WLS: variants seen among roughly 807,000 people sequenced by gnomAD.
The protein encoded by WLS is protein wntless homolog.
WLS carries 23 observed loss-of-function variants against 62.8 expected under a neutral mutation model. The observed-to-expected ratio is 0.37, with a 90% CI of 0.26 to 0.52. The LOEUF (loss-of-function observed/expected upper bound fraction) is 0.52, where lower values mean the gene tolerates loss of function less well. Ranked by LOEUF, WLS falls within the 20% of genes least tolerant of loss-of-function variation. WLS has a pLI of 0.92. For missense variants in WLS, 615 were observed against 697.3 expected (o/e 0.88, Z 1.33); for synonymous variants, 246 against 244.1 (o/e 1.01, Z -0.07).
At chr1:68,127,102 G>T in intron 11 of WLS, 1 of 405,966 alleles carries the variant, frequency 2.5e-6, no homozygotes, top group Non-Finnish European at 4.9e-6. Flanking sequence ...GGCTGAGGCA[G>T]GAGGATCACT....
intron 2 of WLS, among the ~76,000 whole-genome samples, chr1:68,176,931 T>C (rs1315498517): frequency 6.6e-6 from 1 of 152,250 alleles, no homozygotes; most frequent in Non-Finnish European, 1.5e-5. Context: ...CTAATGCCTT[T>C]GCTGAGTTAC....
chr1:68,202,865 T>C (rs1480409993), intron 1 of WLS: 2 of 152,158 alleles, frequency 1.3e-5, no homozygotes, highest in Admixed American at 1.3e-4. Context: ...CTGGCAAAGC[T>C]GTAGGGGTGG....
At chr1:68,188,593 T>C (rs1430741) in intron 2 of WLS, among the ~76,000 whole-genome samples, 10,403 of 152,168 alleles carry the variant, frequency 0.068, 410 homozygotes, top group Admixed American at 0.097. Context: ...GGAGATAATA[T>C]AGAAAATACC....
chr1:68,101,944 A>G (rs911143814), intron 11 of WLS, among the ~76,000 whole-genome samples: 1 of 152,198 alleles, frequency 6.6e-6, no homozygotes. Context: ...GAAATCAAAT[A>G]TCTTACTGTT....
At chr1:68,162,623 G>A (rs542715167) in intron 2 of WLS, 18 of 1,281,760 alleles carry the variant, frequency 1.4e-5, no homozygotes, top group Non-Finnish European at 2.0e-5. Context: ...GTGCCTTACC[G>A]CAGTGCTTGG....
chr1:68,133,146 AATCT>A (rs1204625692), intron 11 of WLS, among the ~76,000 whole-genome samples: 2 of 152,206 alleles, frequency 1.3e-5, no homozygotes, highest in African/African-American at 2.4e-5. Flanking sequence ...TAAATTTAAA[AATCT>A]ATATGTGCAC....
At chr1:68,111,879 A>G (rs1646233207) in intron 11 of WLS, among the ~76,000 whole-genome samples, 1 of 152,298 alleles carries the variant, frequency 6.6e-6, no homozygotes, top group Non-Finnish European at 1.5e-5. Flanking sequence ...GAAGTGTACT[A>G]TTACCAACCA....
In WLS at chr1:68,137,851, T is replaced by A; in HGVS notation, c.1445A>T (p.Asn482Ile). The A allele has an allele frequency of 6.2e-7, 1 of 1,614,034 alleles. No homozygotes were observed. Among genetic ancestry groups the A allele is most frequent in the Non-Finnish European group, 8.5e-7 (1 of 1,179,896 alleles). The change falls in exon 11 of 12, where the codon AAT becomes ATT. Residue 482 changes from asparagine (N) to isoleucine (I), a missense_variant. Physicochemically the swap from Asn to Ile is moderately radical, Grantham distance 149. Transcript: ENST00000262348. ...GAACATCAGAGCAAAGACATACAGATTCCACATCCCATAGATGCCTGTGAA... is the reference window on the plus strand; with the variant it reads ...GAACATCAGAGCAAAGACATACAGAATCCACATCCCATAGATGCCTGTGAA... The part of the protein sequence containing the change: ...AFFTGIYGMW[N>I]LYVFALMFLY...
chr1:68,194,306 TG>T (rs1648541677), intron 1 of WLS, 79 bp from the exon 2 acceptor site: 2 of 1,515,560 alleles, frequency 1.3e-6, no homozygotes, highest in Non-Finnish European at 1.8e-6. Context: ...TTTCCACTGC[TG>T]TGTTCCCTCC....
intron 2 of WLS, among the ~76,000 whole-genome samples, chr1:68,168,898 G>A (rs558106621): frequency 1.3e-3 from 203 of 152,304 alleles, no homozygotes; most frequent in African/African-American, 4.6e-3. Context: ...AACCAACCCT[G>A]TCTTATACAT....
chr1:68,110,810 A>G (rs1424250623), intron 11 of WLS, among the ~76,000 whole-genome samples: 1 of 152,054 alleles, frequency 6.6e-6, no homozygotes, highest in Admixed American at 6.6e-5. Context: ...GGCTTATTCA[A>G]TAAATGGTGC....
At chr1:68,192,751 T>A (rs145820101) in intron 2 of WLS, among the ~76,000 whole-genome samples, 2 of 80,630 alleles carry the variant, frequency 2.5e-5, no homozygotes, top group Admixed American at 1.7e-4. Context: ...CTGGGGAACA[T>A]AGGAGACTCT....
intron 1 of WLS, among the ~76,000 whole-genome samples, chr1:68,220,090 T>A (rs1470287292): frequency 2.0e-5 from 3 of 152,178 alleles, no homozygotes; most frequent in Non-Finnish European, 4.4e-5. Context: ...AACATTTAGA[T>A]TCAAATTAAA....
chr1:68,111,852 TTTAGTTGAATTCAA>T (rs1405363472), intron 11 of WLS, among the ~76,000 whole-genome samples: 6 of 152,148 alleles, frequency 3.9e-5, no homozygotes, highest in Non-Finnish European at 5.9e-5. Context: ...CAGAAGAAGA[TTTAGTTGAATTCAA>T]TTGAAGTGTA....
chr1:68,160,234 C>T (rs1646954766), intron 2 of WLS, among the ~76,000 whole-genome samples: 4 of 152,064 alleles, frequency 2.6e-5, no homozygotes, highest in Admixed American at 2.6e-4. Flanking sequence ...AGGTTCACTT[C>T]CCTCCCTTGA....
chr1:68,116,015 T>C (rs1646287398), intron 11 of WLS, among the ~76,000 whole-genome samples: 1 of 152,178 alleles, frequency 6.6e-6, no homozygotes, highest in South Asian at 2.1e-4. Context: ...GCAGCTGTCC[T>C]GAATTCCTCT....
intron 10 of WLS, among the ~76,000 whole-genome samples, chr1:68,140,953 A>T (rs964152361): frequency 6.6e-6 from 1 of 151,758 alleles, no homozygotes; most frequent in Non-Finnish European, 1.5e-5. Context: ...TGAGAGAAAA[A>T]TCAGGTAGCC....
intron 2 of WLS, chr1:68,162,121 C>T (rs1646985270): frequency 1.9e-6 from 3 of 1,541,994 alleles, no homozygotes. Context: ...CTTGCTGTAC[C>T]AGGCAGTGTG....
chr1:68,221,704 G>A (rs1445718696), intron 1 of WLS, among the ~76,000 whole-genome samples: 3 of 152,158 alleles, frequency 2.0e-5, no homozygotes, highest in African/African-American at 7.2e-5. Context: ...ATCACCTGAA[G>A]GCAAGCTTGT....
Sources: allele counts gnomAD v4.1 joint callset (sites outside exome capture counted in the v4.1 genomes callset), GRCh38; gene constraint gnomAD v4.1.1; transcripts MANE v1.5; gene names NCBI Gene and HGNC (gene_info 2026-07-23, HGNC 2026-07-21).